AP2A2: variants seen among roughly 807,000 people sequenced by gnomAD.
The protein encoded by AP2A2 is AP-2 complex subunit alpha-2.
In AP2A2, 32 loss-of-function variants were observed where a neutral mutation model predicts 104.2. The observed-to-expected ratio is 0.31, with a 90% CI of 0.23 to 0.41. The LOEUF (loss-of-function observed/expected upper bound fraction) is 0.41. Ranked by LOEUF, AP2A2 falls within the 10% of genes least tolerant of loss-of-function variation. AP2A2 has a pLI of 1.00. For missense variants in AP2A2, 912 were observed against 1,261.0 expected (o/e 0.72, Z 4.19); for synonymous variants, 539 against 533.3 (o/e 1.01, Z -0.15).
intron 1 of AP2A2, among the ~76,000 whole-genome samples, chr11:958,789 T>C (rs7395632): frequency 0.62 from 94,543 of 151,954 alleles, 29,865 homozygotes; most frequent in Middle Eastern, 0.74. Context: ...CTTCAGATAC[T>C]ATGACATTGG....
intron 10 of AP2A2, among the ~76,000 whole-genome samples, chr11:990,075 A>C (rs576632949): frequency 8.6e-5 from 13 of 151,998 alleles, no homozygotes; most frequent in Non-Finnish European, 1.6e-4. Context: ...TGAACGGAGG[A>C]GCCCAGGTGC....
At chr11:1,008,815 C>T in intron 18 of AP2A2, 1 of 469,998 alleles carries the variant, frequency 2.1e-6, no homozygotes, top group Admixed American at 3.8e-5. Flanking sequence ...GAAAAAACAT[C>T]ACACTATTTG....
intron 1 of AP2A2, among the ~76,000 whole-genome samples, chr11:957,300 G>T (rs941301654): frequency 2.0e-5 from 3 of 152,148 alleles, no homozygotes; most frequent in African/African-American, 4.8e-5. Context: ...TGTCCTCCTG[G>T]GCCTTTTGTG....
At chr11:1,006,264 G>A (rs573220724) in intron 16 of AP2A2, among the ~76,000 whole-genome samples, 1 of 152,354 alleles carries the variant, frequency 6.6e-6, no homozygotes, top group African/African-American at 2.4e-5. Context: ...ATCCCGTGTG[G>A]GTGCGCAGGA....
At chr11:976,452 C>T (rs1053519270) in intron 4 of AP2A2, among the ~76,000 whole-genome samples, 1 of 152,142 alleles carries the variant, frequency 6.6e-6, no homozygotes, top group Non-Finnish European at 1.5e-5. Context: ...GCCTCCACAG[C>T]GTCCACCCCA....
chr11:1,000,651 G>T, intron 15 of AP2A2, 53 bp downstream of exon 15: 2 of 1,499,848 alleles, frequency 1.3e-6, no homozygotes, highest in South Asian at 2.5e-5. Flanking sequence ...CGTGCCCCCT[G>T]ACTTCTGGTG....
chr11:946,144 G>A (rs1309831639), intron 1 of AP2A2, among the ~76,000 whole-genome samples: 1 of 152,132 alleles, frequency 6.6e-6, no homozygotes, highest in Non-Finnish European at 1.5e-5. Context: ...TTAACCAACG[G>A]TTGCGACACT....
rs373071219 is a variant in AP2A2 at position 1,010,528 on chromosome 11, T to G, written c.2743-20T>G. On this transcript the variant is annotated intron_variant, in intron 21 of 21. Coordinates refer to ENST00000448903, the MANE Select transcript of AP2A2 (RefSeq NM_012305.4). ...GTGAGCCTCGGCGTGCCCGTTGACC[T>G]GCTGTGCTCTCTGTTTCAGATGTAC... 1.3e-5 allele frequency: 21 copies of G among 1,572,184 alleles called. No individual in the cohort carries two copies. In the African/African-American group the frequency reaches 2.8e-4, roughly 21 times the overall value.
rs1170142938 is a variant in AP2A2, at chr11:992,505, G to A, written c.1272G>A (p.Val424=). The change falls in exon 11 of 22, where the codon GTG becomes GTA. Residue 424 remains valine (V), a splice_region_variant and synonymous_variant. Coordinates refer to ENST00000448903, the MANE Select transcript of AP2A2 (RefSeq NM_012305.4). This position sits in a 1 kb window ranked among gnomAD's most constrained non-coding sequence, Gnocchi z 6.4. ...CCTCAGCAGCCTGTCCCCCACAGGT[G>A]CTGAAGGTCGCCATCCTGGCTGAGA... ...TADYSIREEI[V]LKVAILAEKY... 4 of 1,585,030 alleles carry A rather than the reference G, an allele frequency of 2.5e-6. No homozygotes were observed. The highest frequency in any genetic ancestry group is 3.4e-6 in the Non-Finnish European group (4 of 1,165,910).
Position 992,369 on chromosome 11 carries a change from C to A in AP2A2, c.1270-134C>A. 1.1e-6 allele frequency: 1 copy of A among 883,484 alleles called. No homozygotes were observed. Among genetic ancestry groups the A allele is most frequent in the Non-Finnish European group, 1.8e-6 (1 of 562,796 alleles). 54.7% of individuals were successfully genotyped at this position (883,484 alleles called of 1,614,324 possible). ...GGCTTTTTTGAGAATCGAGTTCAAG[C>A]TTCCTCCATGTCCCAAACTTTTGTA... On this transcript the variant is annotated intron_variant, in intron 10 of 21. Transcript: ENST00000448903. This position sits in a 1 kb window ranked among gnomAD's most constrained non-coding sequence, Gnocchi z 6.4.
intron 1 of AP2A2, among the ~76,000 whole-genome samples, chr11:928,572 T>A (rs1207847484): frequency 6.6e-6 from 1 of 152,252 alleles, no homozygotes; most frequent in African/African-American, 2.4e-5. Flanking sequence ...GTTCTGTGCC[T>A]TTTAGGATGT....
At chr11:926,383 G>A (rs1853122329) in intron 1 of AP2A2, among the ~76,000 whole-genome samples, 1 of 149,618 alleles carries the variant, frequency 6.7e-6, no homozygotes, top group Admixed American at 6.7e-5. Context: ...GTCTGGGGGT[G>A]CGGGGTGGGG....
In AP2A2 at chr11:994,247, T is replaced by C; in HGVS notation, c.1956+2T>C. On this transcript the variant is annotated splice_donor_variant, in intron 14 of 21. Transcript: ENST00000448903. LOFTEE classifies it high-confidence loss of function. ...GCCCCAGCCAGTACCAGCGCCGTGG[T>C]GGGTCCCTCACCTACTGTGCACCCA... 1 of 1,612,732 alleles carries C rather than the reference T, an allele frequency of 6.2e-7. No homozygotes were observed. The highest frequency in any genetic ancestry group is 8.5e-7 in the Non-Finnish European group (1 of 1,179,702).
intron 2 of AP2A2, among the ~76,000 whole-genome samples, chr11:967,974 T>C (rs568188175): frequency 3.3e-5 from 5 of 152,206 alleles, no homozygotes; most frequent in African/African-American, 1.2e-4. Context: ...GAAGACTGTA[T>C]CAGTCTGGGT....
intron 1 of AP2A2, chr11:940,812 T>A (rs921310547): frequency 2.2e-6 from 1 of 456,194 alleles, no homozygotes; most frequent in Non-Finnish European, 4.4e-6. Flanking sequence ...GGCAGGGGCC[T>A]TCGCTGCAGG....
intron 4 of AP2A2, among the ~76,000 whole-genome samples, chr11:972,762 CA>C (rs1162794767): frequency 6.6e-6 from 1 of 152,216 alleles, no homozygotes; most frequent in Non-Finnish European, 1.5e-5. Context: ...CACTGAGATT[CA>C]AAACACAGAT....
intron 1 of AP2A2, among the ~76,000 whole-genome samples, chr11:944,502 TG>T (rs1259962812): frequency 6.6e-6 from 1 of 152,188 alleles, no homozygotes; most frequent in Admixed American, 6.5e-5. Flanking sequence ...TGTTAGAAGA[TG>T]ATAAACACAA....
intron 1 of AP2A2, among the ~76,000 whole-genome samples, chr11:944,344 T>C (rs1020037569): frequency 6.6e-6 from 1 of 152,208 alleles, no homozygotes. Flanking sequence ...GAGCATTTAT[T>C]CTTACCAAGT....
Position 925,902 on chromosome 11 carries a change from G to A in AP2A2, c.-120G>A. ...GGCGCTGGGACCCTGAGGCGGCCGT[G>A]GTTAGGCGGCTCCCCGGCGGCTCCT... On this transcript the variant is annotated 5_prime_UTR_variant, in exon 1 of 22. Transcript: ENST00000448903. The A allele has an allele frequency of 1.4e-6, 1 of 720,724 alleles. No homozygotes were observed. The allele number at this position is 720,724 out of a possible 1,614,324, so 44.6% of individuals were successfully genotyped here. A position where few individuals can be genotyped will look rare whatever the true frequency, so the allele number is the denominator to read the frequency against.
Sources: gnomAD v4.1 joint callset for allele counts (sites outside exome capture counted in the v4.1 genomes callset) on GRCh38, gnomAD v4.1.1 for gene constraint, Gnocchi (gnomAD v3.1) non-coding constraint, MANE v1.5 for transcripts, NCBI Gene and HGNC (gene_info 2026-07-23, HGNC 2026-07-21) for gene names.